The following PXYLP1 variants were observed in gnomAD, a reference collection of about 807,000 sequenced individuals.
The protein encoded by PXYLP1 is acid phosphatase-like 2.
In PXYLP1, 17 loss-of-function variants were observed where a neutral mutation model predicts 37.9. The observed-to-expected ratio is 0.45, with a 90% CI of 0.31 to 0.67. The LOEUF is 0.67. Ranked by LOEUF, PXYLP1 falls within the 30% of genes least tolerant of loss-of-function variation. PXYLP1 has a pLI of 0.07. For missense variants in PXYLP1, 511 were observed against 612.0 expected (o/e 0.84, Z 1.74); for synonymous variants, 221 against 232.2 (o/e 0.95, Z 0.44).
In PXYLP1 at chr3:141,281,804, G is replaced by A. The variant is rs75993289; in HGVS notation, c.365+2300G>A. 3.8e-4 allele frequency among the ~76,000 whole-genome samples: 58 copies of A among 152,270 alleles called. No individual in the cohort carries two copies. The East Asian group carries it at 9.8e-3, about 26-fold the overall frequency. The stretch of plus-strand genomic sequence containing the variant: ...GCAGTGTGAGGTGGTGGACAGCTTG[G>A]CACATTGGGGCCCTCAAAGTTAGTT... On this transcript the variant is annotated intron_variant, in intron 4 of 5. Transcript: ENST00000286353.
chr3:141,248,018 G>GTTTTTTTTTT lies in PXYLP1; in HGVS notation c.-53-12101_-53-12100insTTTTTTTTTT, dbSNP rs200024544. Among the ~76,000 whole-genome samples the GTTTTTTTTTT allele has an allele frequency of 1.1e-4, 7 of 62,384 alleles. No homozygotes were observed. The East Asian group carries it at 1.5e-3, about 13-fold the overall frequency. 40.9% of individuals were successfully genotyped at this position (62,384 alleles called of 152,430 possible). ...AGCTTCGGAGCTTTTAAGAGTTTTTGTTTTGTTTTTTTTTTTTTTTTTGAG... is the reference window on the plus strand; with the variant it reads ...AGCTTCGGAGCTTTTAAGAGTTTTTGTTTTTTTTTTTTTTGTTTTTTTTTTTTTTTTTGAG... On this transcript the variant is annotated intron_variant, in intron 1 of 5. Coordinates refer to ENST00000286353, the MANE Select transcript of PXYLP1 (RefSeq NM_001037172.3).
intron 5 of PXYLP1, among the ~76,000 whole-genome samples, chr3:141,291,991 G>A (rs550207900): frequency 6.6e-6 from 1 of 152,354 alleles, no homozygotes; most frequent in East Asian, 1.9e-4. Context: ...CCCCAGGGAA[G>A]AGGCCAGTCT....
chr3:141,266,662 AGAGAGATGGGGGGAGAGAGG>A (rs1941521945), intron 2 of PXYLP1, among the ~76,000 whole-genome samples: 1 of 118,720 alleles, frequency 8.4e-6, no homozygotes, highest in Non-Finnish European at 1.7e-5. Context: ...AGAGGGAGAG[AGAGAGATGGGGGGAGAGAGG>A]GAGAGATGAG....
At chr3:141,252,493 A>G (rs1254990713) in intron 1 of PXYLP1, among the ~76,000 whole-genome samples, 4 of 152,102 alleles carry the variant, frequency 2.6e-5, no homozygotes, top group Non-Finnish European at 5.9e-5. Flanking sequence ...AAGAGAGAGA[A>G]AGAGGAGGTC....
At chr3:141,285,855 G>T (rs1257958806) in intron 4 of PXYLP1, among the ~76,000 whole-genome samples, 1 of 152,124 alleles carries the variant, frequency 6.6e-6, no homozygotes, top group Non-Finnish European at 1.5e-5. Flanking sequence ...CTGTTTTTGT[G>T]GAAAGGCATA....
At chr3:141,275,016 CTT>C (rs1355575088) in intron 2 of PXYLP1, among the ~76,000 whole-genome samples, 3 of 152,160 alleles carry the variant, frequency 2.0e-5, no homozygotes, top group Non-Finnish European at 4.4e-5. Flanking sequence ...GCTGGGGAGA[CTT>C]CTCCTCACAG....
chr3:141,268,190 AGAGAGAGAGAGAGAGAGTGTGTGTGT>A (rs1172784352), intron 2 of PXYLP1, among the ~76,000 whole-genome samples: 2 of 99,330 alleles, frequency 2.0e-5, no homozygotes, highest in African/African-American at 8.3e-5. Flanking sequence ...AGAGAGAGAG[AGAGAGAGAGAGAGAGAGTGTGTGTGT>A]GTGTGTGTGT....
chr3:141,275,267 T>C (rs1450367668), intron 2 of PXYLP1, among the ~76,000 whole-genome samples: 1 of 152,236 alleles, frequency 6.6e-6, no homozygotes, highest in Non-Finnish European at 1.5e-5. Context: ...CCTTGGGTCA[T>C]GGGTGGGTCA....
intron 1 of PXYLP1, among the ~76,000 whole-genome samples, chr3:141,250,515 C>T (rs1181750318): frequency 6.6e-6 from 1 of 152,200 alleles, no homozygotes; most frequent in Non-Finnish European, 1.5e-5. Context: ...GTCGTTGTAT[C>T]CATTCCCAGT....
intron 1 of PXYLP1, among the ~76,000 whole-genome samples, chr3:141,233,965 C>T (rs909624156): frequency 6.6e-6 from 1 of 152,168 alleles, no homozygotes; most frequent in African/African-American, 2.4e-5. Context: ...GGAGCATCTT[C>T]AGGGATGGGT....
At chr3:141,233,067 A>C (rs1940570178) in intron 1 of PXYLP1, among the ~76,000 whole-genome samples, 2 of 66,028 alleles carry the variant, frequency 3.0e-5, no homozygotes, top group Non-Finnish European at 8.0e-5. Flanking sequence ...TGCGGAGCCC[A>C]CCCTTTCAAA....
Position 141,293,218 on chromosome 3 carries a change from A to G in PXYLP1, c.*13A>G, listed in dbSNP as rs774034140. 6.2e-7 allele frequency: 1 copy of G among 1,605,440 alleles called. No homozygotes were observed. The highest frequency in any genetic ancestry group is 1.7e-5 in the Admixed American group (1 of 59,580). On this transcript the variant is annotated 3_prime_UTR_variant, in exon 6 of 6. Transcript: ENST00000286353. ...GGAAGGATTCTAAAAGGTATGCAGT[A>G]CAGCAGTATAGAATCCATGCCAATA...
Position 141,287,329 on chromosome 3 carries a change from A to G in PXYLP1, c.381A>G (p.Pro127=), listed in dbSNP as rs541579769. ...ATCTCTCTAGGAAACCGTATCACCC[A>G]AAACTGGAAGCTTTCATTAGTCACA... ...TLVANRKPYH[P]KLEAFISHMS... is the part of the protein sequence containing the mutation. The change falls in exon 5 of 6, where the codon CCA becomes CCG. Residue 127 remains proline (P), a synonymous_variant. Coordinates refer to ENST00000286353, the MANE Select transcript of PXYLP1 (RefSeq NM_001037172.3). 8 of 1,614,170 alleles carry G rather than the reference A, an allele frequency of 5.0e-6. No individual in the cohort carries two copies. The African/African-American group carries it at 5.3e-5, about 11-fold the overall frequency.
At chr3:141,255,536 G>A (rs927660266) in intron 1 of PXYLP1, among the ~76,000 whole-genome samples, 11 of 152,220 alleles carry the variant, frequency 7.2e-5, no homozygotes, top group South Asian at 2.1e-4. Flanking sequence ...GTGAAGCAGG[G>A]ACTCTTCCTG....
intron 5 of PXYLP1, chr3:141,291,703 C>T (rs1942213676): frequency 6.4e-6 from 1 of 155,314 alleles, no homozygotes; most frequent in Non-Finnish European, 1.4e-5. Context: ...TCTGTAAAGC[C>T]CCCAGGATCA....
intron 1 of PXYLP1, among the ~76,000 whole-genome samples, chr3:141,248,558 CGTGT>C (rs1446575517): frequency 7.5e-6 from 1 of 133,216 alleles, no homozygotes; most frequent in Non-Finnish European, 1.5e-5. Context: ...TATATACACA[CGTGT>C]ATATATATAC....
chr3:141,237,856 C>A (rs1387839254), intron 1 of PXYLP1, among the ~76,000 whole-genome samples: 1 of 152,156 alleles, frequency 6.6e-6, no homozygotes, highest in African/African-American at 2.4e-5. Context: ...GGGGTGGTGA[C>A]CTTGCCAGCT....
chr3:141,243,562 T>A (rs189410714), intron 1 of PXYLP1, among the ~76,000 whole-genome samples: 1 of 152,374 alleles, frequency 6.6e-6, no homozygotes, highest in Admixed American at 6.5e-5. Flanking sequence ...ACATCCTCCC[T>A]GCCTTTTAGT....
intron 1 of PXYLP1, among the ~76,000 whole-genome samples, chr3:141,246,180 C>G (rs1035591502): frequency 6.6e-6 from 1 of 152,126 alleles, no homozygotes; most frequent in Admixed American, 6.5e-5. Context: ...TAAAAGAGAG[C>G]TCTCTAAGAA....
Sources: allele counts gnomAD v4.1 joint callset (sites outside exome capture counted in the v4.1 genomes callset), GRCh38; gene constraint gnomAD v4.1.1; transcripts MANE v1.5; gene names NCBI Gene and HGNC (gene_info 2026-07-23, HGNC 2026-07-21).